The following VPS13C variants were observed in gnomAD, a reference collection of about 807,000 sequenced individuals.
VPS13C encodes vacuolar protein sorting 13 homolog C.
In VPS13C, 358 loss-of-function variants were observed where a neutral mutation model predicts 456.8. That is an observed-to-expected ratio of 0.78 (90% CI 0.72 to 0.86). The LOEUF is 0.86. Ranked by LOEUF, VPS13C falls within the 40% of genes least tolerant of loss-of-function variation. VPS13C has a pLI of 0.00. For synonymous variants in VPS13C, 1,578 were observed against 1,486.7 expected (o/e 1.06, Z -1.41); for missense variants, 4,818 against 4,385.4 (o/e 1.10, Z -2.79).
intron 66 of VPS13C, among the ~76,000 whole-genome samples, chr15:61,898,390 A>G (rs1258643894): frequency 6.6e-6 from 1 of 151,864 alleles, no homozygotes; most frequent in Non-Finnish European, 1.5e-5. Context: ...TAGGCTCAAA[A>G]TAAAAGGATG....
At position 61,868,720 on chromosome 15, in the gene VPS13C, T is replaced by G; in HGVS notation, c.10802A>C (p.His3601Pro). 1 of 1,614,164 alleles carries G rather than the reference T, an allele frequency of 6.2e-7. No individual in the cohort carries two copies. Among genetic ancestry groups the G allele is most frequent in the South Asian group, 1.1e-5 (1 of 91,082 alleles). ...ATAAGGACGAATGATGCCATCTTCA[T>G]GGATCAGGCGAGGGGGACGGAGGCT... ...VSSLRPPRLI[H>P]EDGIIRPYDR... Residue 3601 changes from histidine (H) to proline (P), a missense_variant, in exon 81 of 85, where the codon CAT (histidine) becomes CCT (proline). Transcript: ENST00000644861.
Position 61,865,686 on chromosome 15 carries a change from G to T in VPS13C, c.10864-2158C>A, listed in dbSNP as rs573885210. 666 of 380,528 alleles carry T rather than the reference G, an allele frequency of 1.8e-3. 1 individual carries two copies. Among genetic ancestry groups the T allele is most frequent in the Admixed American group, 5.8e-3 (89 of 15,408 alleles). 23.6% of individuals were successfully genotyped at this position (380,528 alleles called of 1,614,324 possible). The stretch of plus-strand genomic sequence containing the variant: ...TGTGTATATATGTGTATATTTGTAT[G>T]TGTATATATATGTGTGTATATGTAT... On this transcript the variant is annotated intron_variant, in intron 81 of 84. Coordinates refer to ENST00000644861, the MANE Select transcript of VPS13C (RefSeq NM_020821.3).
chr15:61,990,768 G>A (rs1446551332), intron 18 of VPS13C, among the ~76,000 whole-genome samples: 2 of 152,068 alleles, frequency 1.3e-5, no homozygotes, highest in African/African-American at 2.4e-5. Context: ...CCAAGATCAC[G>A]CCACTGCACT....
chr15:61,911,691 T>A, intron 63 of VPS13C, 149 bp downstream of exon 63: 4 of 811,376 alleles, frequency 4.9e-6, no homozygotes, highest in Non-Finnish European at 7.0e-6. Context: ...TTTTTAAAAA[T>A]ATAGTAAGAG....
At chr15:62,028,229 G>C in intron 6 of VPS13C, 129 bp downstream of exon 6, 1 of 900,366 alleles carries the variant, frequency 1.1e-6, no homozygotes, top group Admixed American at 2.2e-5. Context: ...ATGGTAGAGG[G>C]GGAAAACAAA....
intron 64 of VPS13C, 77 bp from the exon 65 acceptor site, chr15:61,909,202 A>G (rs2043230466): frequency 1.3e-6 from 2 of 1,556,916 alleles, no homozygotes; most frequent in East Asian, 2.2e-5. Context: ...AATATTACGT[A>G]AAACACAAAA....
chr15:61,907,147 T>C, intron 66 of VPS13C, 117 bp downstream of exon 66: 1 of 1,510,138 alleles, frequency 6.6e-7, no homozygotes, highest in Non-Finnish European at 9.1e-7. Flanking sequence ...CTACTTTTTC[T>C]GGAAATACTT....
At chr15:62,051,583 C>T (rs1319687199) in intron 1 of VPS13C, among the ~76,000 whole-genome samples, 1 of 152,158 alleles carries the variant, frequency 6.6e-6, no homozygotes, top group African/African-American at 2.4e-5. Flanking sequence ...GAAGGTAATT[C>T]GACCTCCCTG....
chr15:61,923,319 T>C (rs968576032), intron 53 of VPS13C, among the ~76,000 whole-genome samples: 2 of 152,148 alleles, frequency 1.3e-5, no homozygotes, highest in African/African-American at 4.8e-5. Flanking sequence ...CTACCTCTTA[T>C]TATCTTTGGA....
At chr15:61,931,307 T>C in intron 49 of VPS13C, 48 bp from the exon 50 acceptor site, 2 of 1,495,224 alleles carry the variant, frequency 1.3e-6, no homozygotes, top group South Asian at 1.3e-5. Context: ...TTAAATATTA[T>C]ATAATTACTT....
chr15:62,007,107 G>C (rs1046097706), intron 15 of VPS13C, among the ~76,000 whole-genome samples: 7 of 151,810 alleles, frequency 4.6e-5, no homozygotes, highest in South Asian at 2.1e-4. Flanking sequence ...TATTTTATCT[G>C]ATATTTGCAG....
intron 66 of VPS13C, among the ~76,000 whole-genome samples, chr15:61,900,952 G>A (rs1413135204): frequency 7.9e-5 from 12 of 151,988 alleles, no homozygotes; most frequent in Non-Finnish European, 1.3e-4. Flanking sequence ...CAGAAATAAC[G>A]CCGCATTTCT....
chr15:61,965,178 T>G (rs566396864), intron 30 of VPS13C, among the ~76,000 whole-genome samples: 17 of 152,110 alleles, frequency 1.1e-4, no homozygotes, highest in Non-Finnish European at 2.2e-4. Flanking sequence ...TTCTTGGATC[T>G]TCAATGGACA....
At position 62,023,473 on chromosome 15, in the gene VPS13C, T is replaced by G; in HGVS notation, c.562A>C (p.Thr188Pro). The change falls in exon 8 of 85, where the codon ACT becomes CCT. Residue 188 changes from threonine to proline, a missense_variant. This residue lies in a region of VPS13C where 4,552 missense variants were observed against 4,130.6 expected (regional missense o/e 1.10). Coordinates refer to ENST00000644861, the MANE Select transcript of VPS13C (RefSeq NM_020821.3). ...ACTTGTACATTTTTTATTACTTGAGTTGCCAATTTTTCCACAAATGTATCC... is the reference window on the plus strand; with the variant it reads ...ACTTGTACATTTTTTATTACTTGAGGTGCCAATTTTTCCACAAATGTATCC... ...KKDTFVEKLA[T>P]QVIKNVQVKI... The G allele has an allele frequency of 6.3e-7, 1 of 1,586,786 alleles. No homozygotes were observed.
At chr15:61,873,983 G>C (rs1596277796) in intron 77 of VPS13C, among the ~76,000 whole-genome samples, 2 of 140,704 alleles carry the variant, frequency 1.4e-5, no homozygotes, top group East Asian at 2.0e-4. Context: ...CACACAAACA[G>C]AATACTACTC....
chr15:62,017,242 T>G (rs2047287922), intron 9 of VPS13C, among the ~76,000 whole-genome samples: 2 of 152,214 alleles, frequency 1.3e-5, no homozygotes, highest in South Asian at 4.1e-4. Context: ...GGTTGCCTAT[T>G]CACTCTGATG....
At chr15:62,005,686 T>C (rs992365808) in intron 15 of VPS13C, among the ~76,000 whole-genome samples, 1 of 151,878 alleles carries the variant, frequency 6.6e-6, no homozygotes, top group African/African-American at 2.4e-5. Context: ...TAGTGCTTAT[T>C]TTTTTTATTT....
Position 61,947,243 on chromosome 15 carries a change from T to C in VPS13C, c.4826A>G (p.Asn1609Ser), listed in dbSNP as rs761671707. Residue 1609 changes from asparagine (N) to serine (S), a missense_variant, in exon 43 of 85, where the codon AAT becomes AGT. Around this residue, in one of 3 missense-constraint regions of VPS13C, gnomAD observed 4,552 missense variants for 4,130.6 expected, o/e 1.10. Coordinates refer to ENST00000644861, the MANE Select transcript of VPS13C (RefSeq NM_020821.3). ...LKITAELNAFNVFVCDQKCNI... is the reference protein window; with the variant it reads ...LKITAELNAFSVFVCDQKCNI... The stretch of plus-strand genomic sequence containing the variant: ...ACACTTCTGATCACAGACAAAGACA[T>C]TAAATGCATTTAATTCAGCTGTGAT... 1.2e-6 allele frequency: 2 copies of C among 1,608,386 alleles called. No homozygotes were observed. The highest frequency in any genetic ancestry group is 1.7e-6 in the Non-Finnish European group (2 of 1,178,240).
intron 79 of VPS13C, among the ~76,000 whole-genome samples, chr15:61,871,023 G>A (rs1462246065): frequency 6.6e-6 from 1 of 151,982 alleles, no homozygotes; most frequent in East Asian, 1.9e-4. Context: ...TCACATATAT[G>A]ATTTGCAAAA....
Sources: allele counts gnomAD v4.1 joint callset (sites outside exome capture counted in the v4.1 genomes callset), GRCh38; gene constraint gnomAD v4.1.1; regional missense constraint gnomAD v4.1.1; transcripts MANE v1.5; gene names NCBI Gene and HGNC (gene_info 2026-07-23, HGNC 2026-07-21).